GADL1: variants seen among roughly 807,000 people sequenced by gnomAD.
GADL1 encodes acidic amino acid decarboxylase GADL1.
GADL1 carries 71 observed loss-of-function variants against 69.5 expected under a neutral mutation model. That is an observed-to-expected ratio of 1.02 (90% CI 0.84 to 1.25). The LOEUF (loss-of-function observed/expected upper bound fraction) is 1.25. Among genes scored for constraint, GADL1 ranks in the 50% most tolerant of loss-of-function variants. The pLI is 0.00. For synonymous variants in GADL1, 254 were observed against 214.4 expected, an observed-to-expected ratio of 1.18 and a Z score of -1.62; for missense variants, 737 against 631.8, an observed-to-expected ratio of 1.17 and a Z score of -1.79.
intron 4 of GADL1, 76 bp downstream of exon 4, chr3:30,854,623 T>C (rs1698199888): frequency 5.9e-6 from 5 of 845,444 alleles, no homozygotes; most frequent in Non-Finnish European, 7.7e-6. Flanking sequence ...TAAATAGAGA[T>C]TTTTGAAATA....
chr3:30,755,831 T>TTTTC lies in GADL1; in HGVS notation c.1392+22347_1392+22348insGAAA, dbSNP rs1553635912. Among the ~76,000 whole-genome samples the TTTTC allele has an allele frequency of 1.8e-4, 27 of 152,030 alleles. 1 individual carries two copies. The South Asian group carries it at 4.4e-3, about 25-fold the overall frequency. On this transcript the variant is annotated intron_variant, in intron 14 of 14. Transcript: ENST00000282538. Reference sequence around the variant, plus strand: ...AAACAAATGCCAAAGGTACTTTTTTTCCTACCAAGAGGTCATCATTTGCAT... The same window carrying TTTTC: ...AAACAAATGCCAAAGGTACTTTTTTTTTTCCCTACCAAGAGGTCATCATTTGCAT...
intron 11 of GADL1, among the ~76,000 whole-genome samples, chr3:30,808,338 A>C (rs1697292712): frequency 6.6e-6 from 1 of 152,038 alleles, no homozygotes; most frequent in Non-Finnish European, 1.5e-5. Flanking sequence ...CTCTACTAAA[A>C]ATACAAAAAT....
chr3:30,800,878 G>GC lies in GADL1; in HGVS notation c.1250+10_1250+11insG, dbSNP rs1697147900. On this transcript the variant is annotated intron_variant, in intron 12 of 14. Coordinates refer to ENST00000282538, the MANE Select transcript of GADL1 (RefSeq NM_207359.3). ...AAAGAGAGAGAGAGAGAGAGAGAGA[G>GC]AGGCTAGTACCTAGATAAAGCAAGA... 5 of 1,441,598 alleles carry GC rather than the reference G, an allele frequency of 3.5e-6. No homozygotes were observed. The highest frequency in any genetic ancestry group is 3.8e-4 in the Middle Eastern group (2 of 5,290). 89.3% of individuals were successfully genotyped at this position (1,441,598 alleles called of 1,614,324 possible). A position where few individuals can be genotyped will look rare whatever the true frequency, so the allele number is the denominator to read the frequency against.
chr3:30,767,999 G>A (rs1480303081), intron 14 of GADL1, among the ~76,000 whole-genome samples: 8 of 150,658 alleles, frequency 5.3e-5, no homozygotes, highest in Admixed American at 4.6e-4. Flanking sequence ...AAATAAACTT[G>A]AGATAGGATT....
At chr3:30,783,889 AAAGAAC>A (rs1696730617) in intron 13 of GADL1, among the ~76,000 whole-genome samples, 1 of 152,196 alleles carries the variant, frequency 6.6e-6, no homozygotes, top group Non-Finnish European at 1.5e-5. Flanking sequence ...AAGAATATAT[AAAGAAC>A]TTTTTAATCG....
intron 11 of GADL1, among the ~76,000 whole-genome samples, chr3:30,823,641 A>G (rs988149331): frequency 6.6e-6 from 1 of 152,022 alleles, no homozygotes; most frequent in African/African-American, 2.4e-5. Context: ...GTACCTCTCT[A>G]GACAATAGGA....
chr3:30,735,284 T>C (rs1695526467), intron 14 of GADL1, among the ~76,000 whole-genome samples: 1 of 152,302 alleles, frequency 6.6e-6, no homozygotes, highest in African/African-American at 2.4e-5. Context: ...TCGAATGAAA[T>C]CATTCACTCT....
intron 13 of GADL1, among the ~76,000 whole-genome samples, chr3:30,785,830 A>G (rs965674525): frequency 1.3e-5 from 2 of 151,890 alleles, no homozygotes; most frequent in Non-Finnish European, 2.9e-5. Context: ...TTAAATATTT[A>G]TATTTTCTAA....
chr3:30,744,615 G>A (rs986044276), intron 14 of GADL1, among the ~76,000 whole-genome samples: 9 of 152,238 alleles, frequency 5.9e-5, no homozygotes, highest in South Asian at 2.1e-4. Flanking sequence ...TTGGGAGACC[G>A]AGGCGGGAGG....
At chr3:30,891,846 A>G (rs2125548771) in intron 1 of GADL1, among the ~76,000 whole-genome samples, 1 of 151,500 alleles carries the variant, frequency 6.6e-6, no homozygotes, top group South Asian at 2.1e-4. Context: ...AAAAAGAGAA[A>G]ATCTAGAGTG....
intron 14 of GADL1, among the ~76,000 whole-genome samples, chr3:30,759,145 T>C (rs1406395916): frequency 6.6e-6 from 1 of 152,134 alleles, no homozygotes; most frequent in African/African-American, 2.4e-5. Context: ...AAATCCACAA[T>C]TCGACAGGCC....
intron 1 of GADL1, among the ~76,000 whole-genome samples, chr3:30,869,494 T>G (rs140108890): frequency 2.0e-5 from 3 of 151,880 alleles, no homozygotes; most frequent in Non-Finnish European, 4.4e-5. Context: ...GATCTAGCCC[T>G]GTGATTTGAT....
At chr3:30,852,450 G>A (rs931278729) in intron 4 of GADL1, among the ~76,000 whole-genome samples, 1 of 152,108 alleles carries the variant, frequency 6.6e-6, no homozygotes, top group Admixed American at 6.6e-5. Flanking sequence ...GGCGGAGGTT[G>A]CAGTAAGCTG....
Position 30,880,511 on chromosome 3 carries a change from T to G in GADL1, c.37+14067A>C, listed in dbSNP as rs1373463585. Among the ~76,000 whole-genome samples the G allele has an allele frequency of 3.3e-5, 5 of 152,034 alleles. No individual in the cohort carries two copies. The South Asian group carries it at 1.0e-3, about 32-fold the overall frequency. The stretch of plus-strand genomic sequence containing the variant: ...CTGCCCACACTCTTGCCTGCTGCCA[T>G]GTAAGATGTGCCTTTGCTCCTTCTT... On this transcript the variant is annotated intron_variant, in intron 1 of 14. Coordinates refer to ENST00000282538, the MANE Select transcript of GADL1 (RefSeq NM_207359.3).
chr3:30,774,410 A>C (rs1400355332), intron 14 of GADL1, among the ~76,000 whole-genome samples: 1 of 152,238 alleles, frequency 6.6e-6, no homozygotes, highest in Non-Finnish European at 1.5e-5. Flanking sequence ...TTCTACTACC[A>C]TGTAAAGCAA....
intron 14 of GADL1, among the ~76,000 whole-genome samples, chr3:30,758,448 C>A (rs1019655614): frequency 6.6e-6 from 1 of 151,958 alleles, no homozygotes; most frequent in Non-Finnish European, 1.5e-5. Flanking sequence ...CAGGAAGAAC[C>A]ACAATGATTG....
chr3:30,868,973 G>A (rs1169777445), intron 1 of GADL1, among the ~76,000 whole-genome samples: 1 of 151,714 alleles, frequency 6.6e-6, no homozygotes, highest in Non-Finnish European at 1.5e-5. Flanking sequence ...GAATCCCGTA[G>A]GCCGGTCCAA....
chr3:30,730,398 G>T (rs1695438224), intron 14 of GADL1, among the ~76,000 whole-genome samples: 1 of 152,186 alleles, frequency 6.6e-6, no homozygotes, highest in African/African-American at 2.4e-5. Context: ...ATCACACTAG[G>T]CAAGAGAACT....
At chr3:30,773,754 G>A (rs1353426458) in intron 14 of GADL1, among the ~76,000 whole-genome samples, 1 of 152,100 alleles carries the variant, frequency 6.6e-6, no homozygotes, top group Non-Finnish European at 1.5e-5. Context: ...GAATGTCTTA[G>A]TAGCTTCTCC....
Sources: allele counts gnomAD v4.1 joint callset (sites outside exome capture counted in the v4.1 genomes callset), GRCh38; gene constraint gnomAD v4.1.1; transcripts MANE v1.5; gene names NCBI Gene and HGNC (gene_info 2026-07-23, HGNC 2026-07-21).